SOX6: variants seen among roughly 807,000 people sequenced by gnomAD.
SOX6 encodes SRY-box transcription factor 6.
In SOX6, 11 loss-of-function variants were observed where a neutral mutation model predicts 97.8. The observed-to-expected ratio is 0.11, with a 90% CI of 0.07 to 0.19. The LOEUF (loss-of-function observed/expected upper bound fraction) is 0.19, where lower values mean the gene tolerates loss of function less well. SOX6 is among the 10% of genes least tolerant of loss of function. The probability of loss-of-function intolerance (pLI) is 1.00; values close to 1 mark genes in which losing one functional copy is unlikely to be tolerated. For synonymous variants in SOX6, 360 were observed against 371.4 expected (o/e 0.97, Z 0.35); for missense variants, 810 against 1,039.5 (o/e 0.78, Z 3.04).
chr11:16,391,536 G>GTGAA (rs2134426521), intron 1 of SOX6, among the ~76,000 whole-genome samples: 1 of 152,156 alleles, frequency 6.6e-6, no homozygotes, highest in East Asian at 1.9e-4. Context: ...TGTTTAGTCA[G>GTGAA]TGAATGAATT....
intron 3 of SOX6, among the ~76,000 whole-genome samples, chr11:16,685,927 C>T (rs539875472): frequency 1.6e-4 from 25 of 152,380 alleles, no homozygotes; most frequent in Admixed American, 1.4e-3. Context: ...AGGCTTAACA[C>T]CATGTGAAAA....
chr11:16,052,197 G>A (rs548499504), intron 10 of SOX6, among the ~76,000 whole-genome samples: 52 of 152,122 alleles, frequency 3.4e-4, no homozygotes, highest in Middle Eastern at 3.4e-3. Flanking sequence ...CACTGGGCAT[G>A]GCTATCACCT....
intron 2 of SOX6, among the ~76,000 whole-genome samples, chr11:16,731,624 C>T (rs1443788951): frequency 6.6e-6 from 1 of 152,120 alleles, no homozygotes; most frequent in Non-Finnish European, 1.5e-5. Flanking sequence ...TTATGACAAA[C>T]CCACAGCCAG....
chr11:16,662,220 A>G (rs1460417473), intron 3 of SOX6, among the ~76,000 whole-genome samples: 1 of 152,116 alleles, frequency 6.6e-6, no homozygotes, highest in Non-Finnish European at 1.5e-5. Context: ...AAATTCCCTC[A>G]GTTTTTGCTT....
At chr11:16,492,020 C>CA (rs1447639887) in intron 4 of SOX6, among the ~76,000 whole-genome samples, 1 of 151,622 alleles carries the variant, frequency 6.6e-6, no homozygotes, top group East Asian at 1.9e-4. Flanking sequence ...ATCACCTTCT[C>CA]AAAAAAAATA....
chr11:16,024,917 G>T (rs776594655), intron 12 of SOX6, among the ~76,000 whole-genome samples: 27 of 151,928 alleles, frequency 1.8e-4, no homozygotes, highest in Non-Finnish European at 3.1e-4. Flanking sequence ...CACACCCCCG[G>T]CAAGGACAGC....
intron 1 of SOX6, among the ~76,000 whole-genome samples, chr11:16,429,470 T>C (rs1390457665): frequency 1.3e-5 from 2 of 152,140 alleles, no homozygotes; most frequent in African/African-American, 4.8e-5. Context: ...GTGGTACATA[T>C]ACACCATGGA....
intron 4 of SOX6, among the ~76,000 whole-genome samples, chr11:16,536,860 C>T (rs570763680): frequency 6.6e-6 from 1 of 152,230 alleles, no homozygotes; most frequent in Admixed American, 6.5e-5. Flanking sequence ...ATAGGCTCCA[C>T]CACTGTAGGC....
At chr11:15,995,843 G>A (rs1276664940) in intron 13 of SOX6, among the ~76,000 whole-genome samples, 1 of 152,028 alleles carries the variant, frequency 6.6e-6, no homozygotes, top group African/African-American at 2.4e-5. Context: ...TGCTATAAAA[G>A]GAAATAAATT....
chr11:16,512,797 T>C (rs1303374852), intron 4 of SOX6, among the ~76,000 whole-genome samples: 1 of 152,046 alleles, frequency 6.6e-6, no homozygotes, highest in Non-Finnish European at 1.5e-5. Context: ...TGTAAAAAAC[T>C]CAAGTAAATA....
intron 4 of SOX6, among the ~76,000 whole-genome samples, chr11:16,589,858 C>T (rs562999021): frequency 6.6e-6 from 1 of 152,058 alleles, no homozygotes; most frequent in South Asian, 2.1e-4. Flanking sequence ...TCATACAATG[C>T]TCAATCAGTA....
At chr11:16,416,184 T>C (rs1858923170) in intron 1 of SOX6, among the ~76,000 whole-genome samples, 1 of 152,172 alleles carries the variant, frequency 6.6e-6, no homozygotes. Context: ...ACCCACATGA[T>C]TCACAATCAA....
intron 1 of SOX6, among the ~76,000 whole-genome samples, chr11:16,400,787 T>C (rs569037237): frequency 2.0e-5 from 3 of 151,496 alleles, no homozygotes; most frequent in African/African-American, 4.8e-5. Context: ...CATACGTAGA[T>C]AAAAGACTTG....
chr11:16,214,851 G>A (rs2134147854), intron 4 of SOX6, among the ~76,000 whole-genome samples: 1 of 150,358 alleles, frequency 6.7e-6, no homozygotes, highest in Admixed American at 6.7e-5. Flanking sequence ...CTGGGTTCAA[G>A]CAATTCTCCT....
chr11:16,663,240 T>C (rs939605966), intron 3 of SOX6, among the ~76,000 whole-genome samples: 4 of 152,142 alleles, frequency 2.6e-5, no homozygotes, highest in Non-Finnish European at 4.4e-5. Context: ...GCCATTACAA[T>C]ATGGCAAGAA....
At chr11:16,432,901 T>G (rs550286103) in intron 1 of SOX6, among the ~76,000 whole-genome samples, 1 of 152,166 alleles carries the variant, frequency 6.6e-6, no homozygotes, top group African/African-American at 2.4e-5. Flanking sequence ...ACATTTCATC[T>G]TACATCCATG....
intron 3 of SOX6, among the ~76,000 whole-genome samples, chr11:16,614,707 G>A (rs1848448324): frequency 6.6e-6 from 1 of 152,142 alleles, no homozygotes; most frequent in South Asian, 2.1e-4. Flanking sequence ...AAGGCTTGGG[G>A]ACATCTGCAA....
At chr11:16,498,290 A>C (rs1451115379) in intron 4 of SOX6, among the ~76,000 whole-genome samples, 4 of 152,212 alleles carry the variant, frequency 2.6e-5, no homozygotes, top group Non-Finnish European at 4.4e-5. Context: ...GCCTGCCCTA[A>C]AAGAGCTCCT....
At chr11:16,536,809 T>C (rs1371710417) in intron 4 of SOX6, among the ~76,000 whole-genome samples, 1 of 152,154 alleles carries the variant, frequency 6.6e-6, no homozygotes, top group African/African-American at 2.4e-5. Flanking sequence ...AAGCTCAAAC[T>C]GGGCGGAGCC....
Sources: gnomAD v4.1 joint callset for allele counts (sites outside exome capture counted in the v4.1 genomes callset) on GRCh38, gnomAD v4.1.1 for gene constraint, MANE v1.5 for transcripts, NCBI Gene and HGNC (gene_info 2026-07-23, HGNC 2026-07-21) for gene names.